Variants in EFCAB8 observed in about 807,000 individuals in gnomAD.
The protein encoded by EFCAB8 is EF-hand calcium binding domain 8.
A neutral mutation model predicts 116.3 loss-of-function variants in EFCAB8; 100 were observed. The observed-to-expected ratio is 0.86, with a 90% CI of 0.73 to 1.02. The LOEUF is 1.02. EFCAB8 is among the 50% of genes least tolerant of loss of function. The probability of loss-of-function intolerance (pLI) is 0.00; values close to 1 mark genes in which losing one functional copy is unlikely to be tolerated. For missense variants in EFCAB8, 1,320 were observed against 1,416.9 expected (o/e 0.93, Z 1.10); for synonymous variants, 558 against 567.9 (o/e 0.98, Z 0.25).
In EFCAB8 at chr20:32,923,762, C is replaced by T. The variant is rs192166002; in HGVS notation, c.2412+3547C>T. Among the ~76,000 whole-genome samples, 330 of 152,246 alleles carry T rather than the reference C, an allele frequency of 2.2e-3. 1 individual carries two copies. Among genetic ancestry groups the T allele is most frequent in the Non-Finnish European group, 3.4e-3 (234 of 68,022 alleles). Reference sequence around the variant, plus strand: ...ACTCCTCACGGGCATCTCTTCATGACGGTGTTTACGGAGCCATGGCATTCC... The same window carrying T: ...ACTCCTCACGGGCATCTCTTCATGATGGTGTTTACGGAGCCATGGCATTCC... On this transcript the variant is annotated intron_variant, in intron 20 of 26. Transcript: ENST00000400522.
At chr20:32,905,075 T>A (rs1453989941) in intron 11 of EFCAB8, among the ~76,000 whole-genome samples, 5 of 152,106 alleles carry the variant, frequency 3.3e-5, no homozygotes, top group African/African-American at 1.2e-4. Flanking sequence ...TGTCTGGGCC[T>A]CTCCAGCCCT....
intron 20 of EFCAB8, among the ~76,000 whole-genome samples, chr20:32,922,063 A>G (rs1987484599): frequency 6.6e-6 from 1 of 152,090 alleles, no homozygotes; most frequent in African/African-American, 2.4e-5. Context: ...TCCTGACCTC[A>G]GGTGATCCAC....
intron 11 of EFCAB8, among the ~76,000 whole-genome samples, chr20:32,905,558 C>T (rs953264154): frequency 6.6e-6 from 1 of 151,944 alleles, no homozygotes; most frequent in African/African-American, 2.4e-5. Context: ...TCAGGAGTTC[C>T]AGACCAGCCT....
At chr20:32,951,548 AG>A (rs1323622464) in intron 23 of EFCAB8, among the ~76,000 whole-genome samples, 8 of 150,754 alleles carry the variant, frequency 5.3e-5, no homozygotes, top group Admixed American at 6.6e-5. Flanking sequence ...GTTTGAGGAT[AG>A]GGGGCTGATG....
At chr20:32,931,100 G>A in intron 21 of EFCAB8, 78 bp from the exon 22 acceptor site, 1 of 1,243,758 alleles carries the variant, frequency 8.0e-7, no homozygotes, top group South Asian at 1.6e-5. Flanking sequence ...GAAGAGGAAT[G>A]GTCTGGGAGG....
intron 8 of EFCAB8, among the ~76,000 whole-genome samples, chr20:32,892,871 C>T (rs1213191571): frequency 6.7e-6 from 1 of 148,506 alleles, no homozygotes; most frequent in Admixed American, 6.7e-5. Flanking sequence ...CTCAGAGTCT[C>T]ACTCTGTGTC....
intron 23 of EFCAB8, among the ~76,000 whole-genome samples, chr20:32,955,793 TG>T (rs1305702850): frequency 6.6e-6 from 1 of 152,176 alleles, no homozygotes; most frequent in Non-Finnish European, 1.5e-5. Flanking sequence ...AAATGCTGCC[TG>T]CCCATGTAAG....
chr20:32,906,493 C>T (rs1028303969), intron 11 of EFCAB8, 69 bp from the exon 12 acceptor site: 14 of 714,876 alleles, frequency 2.0e-5, no homozygotes, highest in Admixed American at 1.8e-4. Flanking sequence ...CCACCCCAGG[C>T]TCAGTCTCAG....
At chr20:32,921,660 C>T (rs770092117) in intron 20 of EFCAB8, among the ~76,000 whole-genome samples, 1 of 151,142 alleles carries the variant, frequency 6.6e-6, no homozygotes. Flanking sequence ...CCACTCTCAA[C>T]AGCAGCATTC....
chr20:32,910,780 G>A (rs147066638), intron 15 of EFCAB8, among the ~76,000 whole-genome samples: 1,538 of 119,350 alleles, frequency 0.013, 33 homozygotes, highest in African/African-American at 0.05. Flanking sequence ...TCGCTCTGTC[G>A]CCCAGGCTGG....
rs1339677234 is a variant in EFCAB8, at chr20:32,918,407, A to G, written c.2107A>G (p.Arg703Gly). The stretch of plus-strand genomic sequence containing the variant: ...CCTGGCTGAGAGCCACAGGCCCAGC[A>G]GACCCTATGTGGAGCGGGAGAAGTG... ...NCLAESHRPS[R>G]PYVEREKWTY... Residue 703 changes from arginine to glycine, a missense_variant, in exon 19 of 27, where the codon AGA becomes GGA. Transcript: ENST00000400522. 5 of 1,551,740 alleles carry G rather than the reference A, an allele frequency of 3.2e-6. No individual in the cohort carries two copies. The highest frequency in any genetic ancestry group is 3.5e-6 in the Non-Finnish European group (4 of 1,146,984).
In EFCAB8 at chr20:32,961,501, G is replaced by C; in HGVS notation, c.3759G>C (p.Gln1253His). The C allele has an allele frequency of 6.9e-7, 1 of 1,443,788 alleles. No individual in the cohort carries two copies. The highest frequency in any genetic ancestry group is 1.5e-5 in the South Asian group (1 of 65,726). The allele number at this position is 1,443,788 out of a possible 1,614,324, so 89.4% of individuals were successfully genotyped here. The change falls in exon 27 of 27, where the codon CAG becomes CAC. Residue 1253 changes from glutamine (Q) to histidine (H), a missense_variant. Physicochemically the swap from Gln to His is conservative, Grantham distance 24. Coordinates refer to ENST00000400522, the MANE Select transcript of EFCAB8 (RefSeq NM_001143967.2). ...CCCCGGTGTCCAAGTCCACCCTGCA[G>C]GGGTCAGTGACCCCCAAGCACATTG... is the stretch of plus-strand genomic sequence containing the variant. Reference protein sequence around the residue: ...VPSPVSKSTLQGSVTPKHIVS... With the variant: ...VPSPVSKSTLHGSVTPKHIVS...
At chr20:32,901,226 G>C (rs1024831540) in intron 11 of EFCAB8, among the ~76,000 whole-genome samples, 2 of 152,198 alleles carry the variant, frequency 1.3e-5, no homozygotes, top group Non-Finnish European at 2.9e-5. Context: ...GTGTATATTG[G>C]GGTGTCCAAT....
At position 32,930,978 on chromosome 20, in the gene EFCAB8, C is replaced by T. The variant is rs375200348; in HGVS notation, c.2632-200C>T. On this transcript the variant is annotated intron_variant, in intron 21 of 26. Transcript: ENST00000400522. Reference sequence around the variant, plus strand: ...CTGTCCTTGAGCCGGTCACACCCTTCCTGCCTGCTAATCCAGGAGTATGGC... The same window carrying T: ...CTGTCCTTGAGCCGGTCACACCCTTTCTGCCTGCTAATCCAGGAGTATGGC... Among the ~76,000 whole-genome samples, 243 of 152,312 alleles carry T rather than the reference C, an allele frequency of 1.6e-3. 7 individuals are homozygous for T. The South Asian group carries it at 0.027, about 17-fold the overall frequency.
At position 32,931,484 on chromosome 20, in the gene EFCAB8, C is replaced by T. The variant is rs112564585; in HGVS notation, c.2790+148C>T. The T allele has an allele frequency of 7.2e-3, 7,865 of 1,095,742 alleles. 440 individuals are homozygous for T. In the African/African-American group the frequency reaches 0.11, roughly 16 times the overall value. 67.9% of individuals were successfully genotyped at this position (1,095,742 alleles called of 1,614,324 possible). On this transcript the variant is annotated intron_variant, in intron 22 of 26. Coordinates refer to ENST00000400522, the MANE Select transcript of EFCAB8 (RefSeq NM_001143967.2). ...GATAGAATTAGTATTCGTGGCCAGT[C>T]GTGGTGGCCCACGCCTGTAATCCCA... is the stretch of plus-strand genomic sequence containing the variant.
At chr20:32,882,410 T>C (rs975655887) in intron 5 of EFCAB8, among the ~76,000 whole-genome samples, 1 of 152,212 alleles carries the variant, frequency 6.6e-6, no homozygotes, top group Admixed American at 6.5e-5. Flanking sequence ...CCTCACACAG[T>C]TCCGGAATCA....
chr20:32,961,120 A>G lies in EFCAB8; in HGVS notation c.3394-16A>G, dbSNP rs982698946. On this transcript the variant is annotated splice_polypyrimidine_tract_variant and intron_variant, in intron 26 of 26. Coordinates refer to ENST00000400522, the MANE Select transcript of EFCAB8 (RefSeq NM_001143967.2). ...AACTGGTGCCCCATTCCCGCTCCCC[A>G]CTCTGTTCCCTGCAGATCTCGCCTC... is the stretch of plus-strand genomic sequence containing the variant. The G allele has an allele frequency of 2.6e-6, 4 of 1,550,030 alleles. No individual in the cohort carries two copies. In the African/African-American group the frequency reaches 5.5e-5, roughly 21 times the overall value.
intron 10 of EFCAB8, among the ~76,000 whole-genome samples, chr20:32,898,061 G>A (rs1302294919): frequency 3.3e-5 from 5 of 152,166 alleles, no homozygotes; most frequent in Non-Finnish European, 7.3e-5. Context: ...CATGCCCTCC[G>A]CGCTTCCTTG....
chr20:32,947,041 G>A (rs13339907), intron 23 of EFCAB8, among the ~76,000 whole-genome samples: 4,967 of 152,218 alleles, frequency 0.033, 297 homozygotes, highest in African/African-American at 0.11. Context: ...CCAATTATAG[G>A]ACATTTGAGT....
Sources: allele counts gnomAD v4.1 joint callset (sites outside exome capture counted in the v4.1 genomes callset), GRCh38; gene constraint gnomAD v4.1.1; transcripts MANE v1.5; gene names NCBI Gene and HGNC (gene_info 2026-07-23, HGNC 2026-07-21).